Variants in EML6 observed in about 807,000 individuals in gnomAD.
The protein encoded by EML6 is echinoderm microtubule-associated protein-like 6.
A neutral mutation model predicts 240.1 loss-of-function variants in EML6; 154 were observed. That is an observed-to-expected ratio of 0.64 (90% CI 0.56 to 0.73). The LOEUF (loss-of-function observed/expected upper bound fraction) is 0.73, where lower values mean the gene tolerates loss of function less well. Ranked by LOEUF, EML6 falls within the 30% of genes least tolerant of loss-of-function variation. EML6 has a pLI of 0.00. For synonymous variants in EML6, 1,148 were observed against 899.0 expected (o/e 1.28, Z -4.95); for missense variants, 2,964 against 2,474.6 (o/e 1.20, Z -4.20).
At chr2:54,859,494 CT>C (rs765642622) in intron 11 of EML6, 39 bp from the exon 12 acceptor site, 1 of 1,513,708 alleles carries the variant, frequency 6.6e-7, no homozygotes, top group Non-Finnish European at 8.9e-7. Flanking sequence ...ATGAACTCTT[CT>C]TTTTTCATAA....
chr2:54,835,152 T>A (rs746528079), intron 7 of EML6, among the ~76,000 whole-genome samples: 1 of 152,240 alleles, frequency 6.6e-6, no homozygotes, highest in Non-Finnish European at 1.5e-5. Flanking sequence ...TGATCTCTTC[T>A]AGAATTGCAA....
intron 11 of EML6, among the ~76,000 whole-genome samples, chr2:54,858,167 T>C (rs1307209963): frequency 3.3e-5 from 5 of 152,208 alleles, no homozygotes; most frequent in African/African-American, 1.2e-4. Flanking sequence ...ATGTGGCTCT[T>C]GGCAGGAGGC....
intron 2 of EML6, among the ~76,000 whole-genome samples, chr2:54,768,571 A>T (rs1388419987): frequency 6.6e-6 from 1 of 152,178 alleles, no homozygotes; most frequent in Non-Finnish European, 1.5e-5. Flanking sequence ...CTCTCTGTGG[A>T]ATGTCCACGA....
intron 8 of EML6, among the ~76,000 whole-genome samples, 167 bp from the exon 9 acceptor site, chr2:54,847,319 A>G (rs894682052): frequency 1.3e-5 from 2 of 152,102 alleles, no homozygotes; most frequent in African/African-American, 4.8e-5. Flanking sequence ...GATGCACTAA[A>G]ACACCTTTCC....
intron 26 of EML6, among the ~76,000 whole-genome samples, chr2:54,922,769 C>T (rs1674326266): frequency 6.6e-6 from 1 of 151,974 alleles, no homozygotes; most frequent in Non-Finnish European, 1.5e-5. Context: ...ACCAGAAGGA[C>T]ATGGTAAGTG....
chr2:54,951,255 C>T lies in EML6; in HGVS notation c.4213+476C>T, dbSNP rs115082906. Reference sequence around the variant, plus strand: ...AAACAATAAACAAAAATACCAGGCCCGGCAAGGTGGCTCATGCCTGTAATC... The same window carrying T: ...AAACAATAAACAAAAATACCAGGCCTGGCAAGGTGGCTCATGCCTGTAATC... On this transcript the variant is annotated intron_variant, in intron 30 of 41. Transcript: ENST00000356458. 3.2e-4 allele frequency among the ~76,000 whole-genome samples: 49 copies of T among 152,224 alleles called. 1 individual carries two copies. Among genetic ancestry groups the T allele is most frequent in the African/African-American group, 1.1e-3 (44 of 41,522 alleles).
At chr2:54,734,068 G>GTGATA (rs1683284850) in intron 2 of EML6, among the ~76,000 whole-genome samples, 2 of 152,200 alleles carry the variant, frequency 1.3e-5, no homozygotes, top group African/African-American at 2.4e-5. Flanking sequence ...GCCAGGCACG[G>GTGATA]TGGCTCACTT....
intron 7 of EML6, among the ~76,000 whole-genome samples, chr2:54,830,520 T>A (rs1307848511): frequency 2.6e-5 from 4 of 152,158 alleles, no homozygotes; most frequent in Admixed American, 6.5e-5. Flanking sequence ...ACGAGTTGTT[T>A]CTCCTGGGCT....
At chr2:54,775,030 A>G (rs953279709) in intron 2 of EML6, among the ~76,000 whole-genome samples, 5 of 152,252 alleles carry the variant, frequency 3.3e-5, no homozygotes, top group Non-Finnish European at 7.3e-5. Flanking sequence ...GTGAGCAGAC[A>G]TGCAGTGGGG....
intron 2 of EML6, among the ~76,000 whole-genome samples, chr2:54,739,346 G>A (rs149474230): frequency 2.0e-5 from 3 of 152,328 alleles, no homozygotes; most frequent in East Asian, 1.9e-4. Context: ...AAGGTCGCAG[G>A]TGCTGCTAAC....
chr2:54,852,197 A>T (rs984695497), intron 10 of EML6, among the ~76,000 whole-genome samples: 1 of 152,268 alleles, frequency 6.6e-6, no homozygotes, highest in Middle Eastern at 3.4e-3. Context: ...TTTAAATGCT[A>T]TTTTTGTGAC....
intron 28 of EML6, among the ~76,000 whole-genome samples, chr2:54,931,618 G>C (rs577667154): frequency 6.6e-6 from 1 of 152,176 alleles, no homozygotes; most frequent in African/African-American, 2.4e-5. Context: ...TGGTGTTCCC[G>C]TCATCGTGCC....
chr2:54,919,046 A>G (rs1184473121), intron 26 of EML6, among the ~76,000 whole-genome samples: 2 of 152,182 alleles, frequency 1.3e-5, no homozygotes, highest in Admixed American at 6.5e-5. Context: ...ACCTCTCCTG[A>G]TTCCTAAACT....
At position 54,937,434 on chromosome 2, in the gene EML6, G is replaced by T. The variant is rs566636959; in HGVS notation, c.4004+8683G>T. Reference sequence around the variant, plus strand: ...AAAAATTTAAAAGCCTGATGTGGTGGTTTAGTTGCTTGGGAGGCTGAGATA... The same window carrying T: ...AAAAATTTAAAAGCCTGATGTGGTGTTTTAGTTGCTTGGGAGGCTGAGATA... On this transcript the variant is annotated intron_variant, in intron 28 of 41. Coordinates refer to ENST00000356458, the MANE Select transcript of EML6 (RefSeq NM_001039753.4). Among the ~76,000 whole-genome samples, 14 of 151,402 alleles carry T rather than the reference G, an allele frequency of 9.2e-5. No homozygotes were observed. In the South Asian group the frequency reaches 2.9e-3, roughly 32 times the overall value.
chr2:54,882,045 T>G (rs578050746), intron 17 of EML6: 2 of 152,276 alleles, frequency 1.3e-5, no homozygotes, highest in African/African-American at 4.8e-5. Context: ...AAGTTGCTCC[T>G]CCCCTGATTG....
At chr2:54,732,718 A>G (rs1683228095) in intron 2 of EML6, among the ~76,000 whole-genome samples, 1 of 152,194 alleles carries the variant, frequency 6.6e-6, no homozygotes, top group Non-Finnish European at 1.5e-5. Context: ...TTTGGTTGCT[A>G]TTCTGTATTT....
intron 24 of EML6, among the ~76,000 whole-genome samples, chr2:54,910,344 A>T (rs1172704261): frequency 6.6e-6 from 1 of 152,260 alleles, no homozygotes; most frequent in African/African-American, 2.4e-5. Flanking sequence ...CGTCAAATCC[A>T]AGATTATAAT....
chr2:54,794,843 A>G (rs1669667885), intron 2 of EML6, among the ~76,000 whole-genome samples: 1 of 152,180 alleles, frequency 6.6e-6, no homozygotes, highest in Non-Finnish European at 1.5e-5. Flanking sequence ...GTCATTGGAG[A>G]TGAATTTGTA....
intron 36 of EML6, 77 bp from the exon 37 acceptor site, chr2:54,963,909 G>C: frequency 7.2e-7 from 1 of 1,392,968 alleles, no homozygotes; most frequent in South Asian, 1.5e-5. Flanking sequence ...TGACTTCTCT[G>C]GCCTGGTGCA....
Sources: allele counts gnomAD v4.1 joint callset (sites outside exome capture counted in the v4.1 genomes callset), GRCh38; gene constraint gnomAD v4.1.1; transcripts MANE v1.5; gene names NCBI Gene and HGNC (gene_info 2026-07-23, HGNC 2026-07-21).